RFX6: variants seen among roughly 807,000 people sequenced by gnomAD.
The protein encoded by RFX6 is DNA-binding protein RFX6.
In RFX6, 50 loss-of-function variants were observed where a neutral mutation model predicts 110.8. That is an observed-to-expected ratio of 0.45 (90% CI 0.36 to 0.57). The LOEUF (loss-of-function observed/expected upper bound fraction) is 0.57. Ranked by LOEUF, RFX6 falls within the 20% of genes least tolerant of loss-of-function variation. The pLI, the probability that RFX6 is intolerant of heterozygous loss-of-function variation, is 0.00. For missense variants in RFX6, 990 were observed against 1,127.0 expected (o/e 0.88, Z 1.74); for synonymous variants, 383 against 411.2 (o/e 0.93, Z 0.83).
intron 7 of RFX6, among the ~76,000 whole-genome samples, chr6:116,912,869 T>A (rs1481454846): frequency 2.0e-5 from 3 of 152,124 alleles, no homozygotes; most frequent in Admixed American, 1.3e-4. Context: ...ATTTCTCAGG[T>A]ATCAAGGTGC....
chr6:116,916,886 T>C (rs1775480362), intron 9 of RFX6, among the ~76,000 whole-genome samples: 1 of 152,098 alleles, frequency 6.6e-6, no homozygotes, highest in Admixed American at 6.6e-5. Context: ...GACAGTCTCT[T>C]CCCTGGTGGC....
Position 116,910,960 on chromosome 6 carries a change from T to G in RFX6, c.698T>G (p.Leu233Arg). ...GGTGGCTTCACTCGTAAATATTCGCTTAGCTCAAAAACTGGAACACTTCTT... is the reference window on the plus strand; with the variant it reads ...GGTGGCTTCACTCGTAAATATTCGCGTAGCTCAAAAACTGGAACACTTCTT... ...NEGGFTRKYS[L>R]SSKTGTLLPE... is the part of the protein sequence containing the mutation. The change falls in exon 7 of 19, where the codon CTT (leucine) becomes CGT (arginine). Residue 233 changes from leucine (L) to arginine (R), a missense_variant. Physicochemically the swap from Leu to Arg is moderately radical, Grantham distance 102. Transcript: ENST00000332958. The G allele has an allele frequency of 6.2e-7, 1 of 1,613,634 alleles. No homozygotes were observed. Among genetic ancestry groups the G allele is most frequent in the Non-Finnish European group, 8.5e-7 (1 of 1,179,622 alleles).
At chr6:116,910,330 T>C (rs1001313845) in intron 6 of RFX6, among the ~76,000 whole-genome samples, 4 of 152,174 alleles carry the variant, frequency 2.6e-5, no homozygotes, top group African/African-American at 9.7e-5. Context: ...GTCACTTTTC[T>C]AATTTTCTGA....
chr6:116,896,643 G>A (rs887203922), intron 6 of RFX6, among the ~76,000 whole-genome samples: 4 of 152,066 alleles, frequency 2.6e-5, no homozygotes, highest in Admixed American at 6.6e-5. Context: ...GAGGCTCGGA[G>A]GTTGCAGTGA....
intron 4 of RFX6, among the ~76,000 whole-genome samples, chr6:116,891,134 G>C (rs914215306): frequency 6.6e-6 from 1 of 152,152 alleles, no homozygotes; most frequent in African/African-American, 2.4e-5. Context: ...GCATCAGAAG[G>C]CCATAGACTA....
chr6:116,890,123 A>AAG (rs1283877500), intron 4 of RFX6, among the ~76,000 whole-genome samples: 3 of 152,126 alleles, frequency 2.0e-5, no homozygotes, highest in African/African-American at 7.2e-5. Context: ...TGCAATACAA[A>AAG]AGAGAGATAT....
At chr6:116,895,143 T>G in intron 5 of RFX6, 37 bp from the exon 6 acceptor site, 1 of 1,205,868 alleles carries the variant, frequency 8.3e-7, no homozygotes, top group Non-Finnish European at 1.2e-6. Context: ...AGCTGTAATT[T>G]TGTTTGAACT....
chr6:116,913,920 C>T (rs1188411639), intron 7 of RFX6, among the ~76,000 whole-genome samples: 1 of 152,132 alleles, frequency 6.6e-6, no homozygotes, highest in Non-Finnish European at 1.5e-5. Context: ...TTTATCTTCT[C>T]TTTTTGCTAA....
In RFX6 at chr6:116,886,934, G is replaced by T. The variant is rs188545039; in HGVS notation, c.566+4506G>T. 2.7e-3 allele frequency among the ~76,000 whole-genome samples: 412 copies of T among 151,942 alleles called. 2 individuals are homozygous for T. The highest frequency in any genetic ancestry group is 9.3e-3 in the African/African-American group (387 of 41,446). ...AAAAATTAGCTGGGCGTGGTGGTGC[G>T]CACCTGTAGTCCCAGCTACTCAGGA... On this transcript the variant is annotated intron_variant, in intron 4 of 18. Coordinates refer to ENST00000332958, the MANE Select transcript of RFX6 (RefSeq NM_173560.4).
chr6:116,890,141 A>G (rs1258034726), intron 4 of RFX6, among the ~76,000 whole-genome samples: 1 of 152,112 alleles, frequency 6.6e-6, no homozygotes, highest in Non-Finnish European at 1.5e-5. Context: ...TATCTTTTGC[A>G]TCTTGAGTGT....
chr6:116,906,037 G>A (rs982297261), intron 6 of RFX6, among the ~76,000 whole-genome samples: 21 of 152,052 alleles, frequency 1.4e-4, no homozygotes, highest in Non-Finnish European at 2.6e-4. Context: ...TATGATGTAT[G>A]AGGTAAAGGT....
chr6:116,882,698 G>A (rs1161010555), intron 4 of RFX6, among the ~76,000 whole-genome samples: 1 of 151,988 alleles, frequency 6.6e-6, no homozygotes, highest in Non-Finnish European at 1.5e-5. Context: ...TGTTACTGAA[G>A]GCACCAGTGT....
rs549572361 is a variant in RFX6, at chr6:116,915,737, G to A, written c.781-271G>A. The stretch of plus-strand genomic sequence containing the variant: ...ATTTTAAAATTTAATATTTTAGTAG[G>A]CATAAAACTAGGATGTTACTTTGGT... On this transcript the variant is annotated intron_variant, in intron 7 of 18. Transcript: ENST00000332958. Among the ~76,000 whole-genome samples the A allele has an allele frequency of 5.3e-4, 81 of 151,658 alleles. 3 individuals carry two copies. The highest frequency in any genetic ancestry group is 1.9e-3 in the African/African-American group (77 of 41,378).
rs543993883 is a variant in RFX6, at chr6:116,889,300, T to C, written c.567-4687T>C. ...TTTTCTAAATTCCTAGAAGAACACA[T>C]TGATTTAACCAGTAAATGTATGAGG... On this transcript the variant is annotated intron_variant, in intron 4 of 18. Coordinates refer to ENST00000332958, the MANE Select transcript of RFX6 (RefSeq NM_173560.4). Among the ~76,000 whole-genome samples the C allele has an allele frequency of 2.0e-5, 3 of 152,302 alleles. No individual in the cohort carries two copies. In the South Asian group the frequency reaches 6.2e-4, roughly 32 times the overall value.
At chr6:116,911,078 A>T in intron 7 of RFX6, 36 bp downstream of exon 7, 1 of 1,366,094 alleles carries the variant, frequency 7.3e-7, no homozygotes, top group African/African-American at 1.4e-5. Context: ...TGATTTTCTG[A>T]TATGTTGGCT....
At chr6:116,900,794 G>A (rs1775052475) in intron 6 of RFX6, among the ~76,000 whole-genome samples, 1 of 151,938 alleles carries the variant, frequency 6.6e-6, no homozygotes, top group Admixed American at 6.6e-5. Flanking sequence ...TTGTGTGGCT[G>A]AATATTATTT....
At chr6:116,887,907 A>G (rs1468712982) in intron 4 of RFX6, among the ~76,000 whole-genome samples, 1 of 152,226 alleles carries the variant, frequency 6.6e-6, no homozygotes, top group East Asian at 1.9e-4. Flanking sequence ...GAGCCCACAA[A>G]TAGATTTTAC....
intron 16 of RFX6, 137 bp from the exon 17 acceptor site, chr6:116,926,890 G>C (rs1775750121): frequency 6.4e-6 from 5 of 782,728 alleles, no homozygotes; most frequent in Non-Finnish European, 1.1e-5. Flanking sequence ...GTGCTTTTCA[G>C]TTTAGTTATT....
At position 116,877,419 on chromosome 6, in the gene RFX6, G is replaced by T; in HGVS notation, c.144G>T (p.Ala48=). Residue 48 remains alanine (A), a synonymous_variant, in exon 1 of 19, where the codon GCG becomes GCT. Coordinates refer to ENST00000332958, the MANE Select transcript of RFX6 (RefSeq NM_173560.4). ...ATCCGGAAGAAACAGTGTACCTGGC[G>T]GCCGAAGGGCAGCCCGGGGGCGAGC... is the stretch of plus-strand genomic sequence containing the variant. The part of the protein sequence containing the change: ...LVYPEETVYL[A]AEGQPGGEQG... The T allele has an allele frequency of 6.2e-7, 1 of 1,600,402 alleles. No individual in the cohort carries two copies. Among genetic ancestry groups the T allele is most frequent in the Non-Finnish European group, 8.5e-7 (1 of 1,173,308 alleles).
Sources: allele counts gnomAD v4.1 joint callset (sites outside exome capture counted in the v4.1 genomes callset), GRCh38; gene constraint gnomAD v4.1.1; transcripts MANE v1.5; gene names NCBI Gene and HGNC (gene_info 2026-07-23, HGNC 2026-07-21).